The following ASAP2 variants were observed in gnomAD, a reference collection of about 807,000 sequenced individuals.
The protein encoded by ASAP2 is arf-GAP with SH3 domain, ANK repeat and PH domain-containing protein 2.
A neutral mutation model predicts 131.4 loss-of-function variants in ASAP2; 45 were observed. That is an observed-to-expected ratio of 0.34 (90% CI 0.27 to 0.44). ASAP2 has a LOEUF of 0.44. Among genes scored for constraint, ASAP2 ranks in the 20% least tolerant of loss-of-function variants. ASAP2 has a pLI of 1.00. For missense variants in ASAP2, 1,011 were observed against 1,297.0 expected, an observed-to-expected ratio of 0.78 and a Z score of 3.39; for synonymous variants, 510 against 503.0, an observed-to-expected ratio of 1.01 and a Z score of -0.19.
intron 3 of ASAP2, among the ~76,000 whole-genome samples, chr2:9,318,015 C>T (rs896516704): frequency 6.6e-6 from 1 of 152,210 alleles, no homozygotes; most frequent in Non-Finnish European, 1.5e-5. Context: ...CGTCTTTTCT[C>T]ATTCGCACCC....
chr2:9,327,626 T>C lies in ASAP2; in HGVS notation c.601-200T>C, dbSNP rs142427441. Among the ~76,000 whole-genome samples, 34 of 152,278 alleles carry C rather than the reference T, an allele frequency of 2.2e-4. 2 individuals are homozygous for C. In the East Asian group the frequency reaches 6.4e-3, roughly 29 times the overall value. ...AGTTTTTGGCACTTCAATATTTAAT[T>C]ATCTGACTGTCAGATAATTCATATG... On this transcript the variant is annotated intron_variant, in intron 6 of 27. Coordinates refer to ENST00000281419, the MANE Select transcript of ASAP2 (RefSeq NM_003887.3).
intron 15 of ASAP2, among the ~76,000 whole-genome samples, chr2:9,365,155 C>T (rs918019109): frequency 2.6e-5 from 4 of 152,226 alleles, no homozygotes; most frequent in African/African-American, 9.6e-5. Context: ...GTAAAGACAT[C>T]ATATGTAAAC....
rs765171526 is a variant in ASAP2 at position 9,334,795 on chromosome 2, G to A, written c.744G>A (p.Leu248=). 5 of 1,614,052 alleles carry A rather than the reference G, an allele frequency of 3.1e-6. No individual in the cohort carries two copies. Residue 248 remains leucine, a synonymous_variant, in exon 8 of 28, where the codon CTG becomes CTA. Coordinates refer to ENST00000281419, the MANE Select transcript of ASAP2 (RefSeq NM_003887.3). Reference sequence around the variant, plus strand: ...GCCTCAAACCTTCCATTGAAACGCTGTCTACGGATCTTCACACGGTGAGTA... The same window carrying A: ...GCCTCAAACCTTCCATTGAAACGCTATCTACGGATCTTCACACGGTGAGTA... ...VESLKPSIET[L]STDLHTIKQA...
chr2:9,342,473 G>T (rs1671655049), intron 9 of ASAP2, among the ~76,000 whole-genome samples: 1 of 152,146 alleles, frequency 6.6e-6, no homozygotes, highest in Admixed American at 6.6e-5. Flanking sequence ...GAAGGAACTT[G>T]GTCCCTTACC....
At chr2:9,243,789 G>A (rs1038800181) in intron 1 of ASAP2, among the ~76,000 whole-genome samples, 5 of 152,162 alleles carry the variant, frequency 3.3e-5, no homozygotes, top group African/African-American at 1.2e-4. Context: ...GCTAGTTGCT[G>A]AGGATTCTAA....
At chr2:9,313,564 C>A (rs1208451543) in intron 3 of ASAP2, among the ~76,000 whole-genome samples, 13 of 152,340 alleles carry the variant, frequency 8.5e-5, no homozygotes, top group African/African-American at 1.9e-4. Flanking sequence ...GCTGCCCCCG[C>A]CAGCTGCCGG....
intron 1 of ASAP2, among the ~76,000 whole-genome samples, chr2:9,254,443 CCCG>C (rs1465782570): frequency 1.9e-4 from 28 of 144,650 alleles, no homozygotes; most frequent in Non-Finnish European, 4.1e-4. Context: ...ACCTCTGTCT[CCCG>C]GGTTCAAGCA....
intron 1 of ASAP2, among the ~76,000 whole-genome samples, chr2:9,252,747 C>G (rs1664805500): frequency 6.6e-6 from 1 of 151,920 alleles, no homozygotes; most frequent in Non-Finnish European, 1.5e-5. Flanking sequence ...AACCCTGTCT[C>G]TACTAAAAAT....
At chr2:9,270,831 CG>C (rs1249230475) in intron 1 of ASAP2, among the ~76,000 whole-genome samples, 1 of 113,570 alleles carries the variant, frequency 8.8e-6, no homozygotes, top group Non-Finnish European at 1.7e-5. Context: ...CTCGCTCCGT[CG>C]CCCAGGCTGG....
intron 1 of ASAP2, among the ~76,000 whole-genome samples, chr2:9,247,215 A>G (rs1664398634): frequency 6.6e-6 from 1 of 152,190 alleles, no homozygotes; most frequent in African/African-American, 2.4e-5. Context: ...TGACGGCACA[A>G]GCTGCATGGA....
Position 9,327,820 on chromosome 2 carries a change from C to T in ASAP2, c.601-6C>T. On this transcript the variant is annotated splice_region_variant and splice_polypyrimidine_tract_variant and intron_variant, in intron 6 of 27. Transcript: ENST00000281419. ...TCCATGACATTTCCTTTTCATTGTT[C>T]AACAGTATCTGCTGAAGGTCAACGA... The T allele has an allele frequency of 6.3e-7, 1 of 1,585,256 alleles. No homozygotes were observed. The highest frequency in any genetic ancestry group is 2.3e-5 in the East Asian group (1 of 43,434).
intron 9 of ASAP2, among the ~76,000 whole-genome samples, chr2:9,343,192 T>G (rs950456528): frequency 6.6e-6 from 1 of 152,176 alleles, no homozygotes; most frequent in African/African-American, 2.4e-5. Context: ...GCTCTTGCTT[T>G]AAGGAGCTCT....
At chr2:9,250,505 G>T (rs1481099080) in intron 1 of ASAP2, among the ~76,000 whole-genome samples, 1 of 152,198 alleles carries the variant, frequency 6.6e-6, no homozygotes, top group African/African-American at 2.4e-5. Context: ...CTTAAGCCTT[G>T]GGAGGTGTAA....
intron 6 of ASAP2, among the ~76,000 whole-genome samples, chr2:9,325,676 A>G (rs1029867186): frequency 2.0e-5 from 3 of 152,158 alleles, no homozygotes; most frequent in Non-Finnish European, 2.9e-5. Flanking sequence ...ACTGGTTACT[A>G]CTTCTCTTCT....
chr2:9,322,306 C>G (rs1202142187), intron 5 of ASAP2, among the ~76,000 whole-genome samples: 1 of 152,188 alleles, frequency 6.6e-6, no homozygotes, highest in Non-Finnish European at 1.5e-5. Context: ...CCCTCTGGAA[C>G]CCTGAGTAGC....
At chr2:9,208,790 T>G (rs1661329943) in intron 1 of ASAP2, among the ~76,000 whole-genome samples, 1 of 152,236 alleles carries the variant, frequency 6.6e-6, no homozygotes, top group Non-Finnish European at 1.5e-5. Context: ...GAATACACCA[T>G]TAATAATGTT....
Position 9,401,270 on chromosome 2 carries a change from C to A in ASAP2, c.2824-4C>A, listed in dbSNP as rs756406340. ...ACTAACCGTTGTTCCCTCTCCTGAC[C>A]CAGACCAAGTTGAAGCCTAAGCGGG... On this transcript the variant is annotated splice_region_variant and splice_polypyrimidine_tract_variant and intron_variant, in intron 26 of 27. Coordinates refer to ENST00000281419, the MANE Select transcript of ASAP2 (RefSeq NM_003887.3). 14 of 1,613,260 alleles carry A rather than the reference C, an allele frequency of 8.7e-6. No homozygotes were observed. In the Admixed American group the frequency reaches 2.2e-4, roughly 25 times the overall value.
Position 9,403,349 on chromosome 2 carries a change from T to TA in ASAP2, c.*24dup, listed in dbSNP as rs750465760. On this transcript the variant is annotated 3_prime_UTR_variant, in exon 28 of 28. Transcript: ENST00000281419. ...CTGAATTGCTACTGAACAAAAGCATTAACAGTTATGTTCCTGTTTCGTTAT... is the reference window on the plus strand; with the variant it reads ...CTGAATTGCTACTGAACAAAAGCATTAAACAGTTATGTTCCTGTTTCGTTAT... 1 of 1,610,398 alleles carries TA rather than the reference T, an allele frequency of 6.2e-7. No homozygotes were observed. Among genetic ancestry groups the TA allele is most frequent in the Non-Finnish European group, 8.5e-7 (1 of 1,176,818 alleles).
intron 23 of ASAP2, among the ~76,000 whole-genome samples, chr2:9,391,576 C>CTTTT (rs397869342): frequency 7.4e-6 from 1 of 135,144 alleles, no homozygotes; most frequent in Admixed American, 7.4e-5. Flanking sequence ...TTTTCTTTTT[C>CTTTT]TTTTTTTTTT....
Sources: gnomAD v4.1 joint callset for allele counts (sites outside exome capture counted in the v4.1 genomes callset) on GRCh38, gnomAD v4.1.1 for gene constraint, MANE v1.5 for transcripts, NCBI Gene and HGNC (gene_info 2026-07-23, HGNC 2026-07-21) for gene names.